Variants in NRG3 observed in about 807,000 individuals in gnomAD.
The protein encoded by NRG3 is neuregulin 3, also known as pro-neuregulin-3, membrane-bound isoform.
A neutral mutation model predicts 66.9 loss-of-function variants in NRG3; 31 were observed. The ratio of observed to expected loss-of-function variants is 0.46; its 90% CI spans 0.35 to 0.63. The LOEUF (loss-of-function observed/expected upper bound fraction) is 0.63. NRG3 is among the 20% of genes least tolerant of loss of function. The pLI, the probability that NRG3 is intolerant of heterozygous loss-of-function variation, is 0.00. For missense variants in NRG3, 910 were observed against 878.9 expected (o/e 1.04, Z -0.45); for synonymous variants, 393 against 359.4 (o/e 1.09, Z -1.06).
At chr10:82,622,627 G>A (rs2049118325) in intron 2 of NRG3, among the ~76,000 whole-genome samples, 1 of 152,190 alleles carries the variant, frequency 6.6e-6, no homozygotes, top group Non-Finnish European at 1.5e-5. Context: ...CAGGCTGTCA[G>A]TAAGCAGCAG....
intron 3 of NRG3, among the ~76,000 whole-genome samples, chr10:82,791,502 C>T (rs36072023): frequency 0.17 from 25,760 of 152,036 alleles, 2,231 homozygotes; most frequent in South Asian, 0.26. Flanking sequence ...CTGGGGCAAG[C>T]CTTCAGTGCT....
chr10:81,927,262 C>A (rs1589484353), intron 1 of NRG3, among the ~76,000 whole-genome samples: 1 of 151,930 alleles, frequency 6.6e-6, no homozygotes, highest in African/African-American at 2.4e-5. Context: ...CTCTTTTTTT[C>A]TTGCCTTCAT....
Position 82,935,776 on chromosome 10 carries a change from A to G in NRG3, c.1055-15693A>G, listed in dbSNP as rs111632473. Among the ~76,000 whole-genome samples the G allele has an allele frequency of 9.0e-3, 1,365 of 152,150 alleles. 16 individuals carry two copies. The highest frequency in any genetic ancestry group is 0.014 in the Non-Finnish European group (933 of 67,998). The stretch of plus-strand genomic sequence containing the variant: ...GTAGCTGGGACTACAGGTGCGTGCC[A>G]CCACGCCTGGATAATTTTTTTTTAT... On this transcript the variant is annotated intron_variant, in intron 4 of 8. Transcript: ENST00000372141.
chr10:81,985,515 A>G (rs2060486834), intron 1 of NRG3, among the ~76,000 whole-genome samples: 1 of 152,228 alleles, frequency 6.6e-6, no homozygotes, highest in African/African-American at 2.4e-5. Context: ...AACACATCCC[A>G]GCAATTCTTA....
intron 2 of NRG3, among the ~76,000 whole-genome samples, chr10:82,685,137 GC>G (rs147807070): frequency 2.6e-5 from 4 of 151,350 alleles, no homozygotes; most frequent in Admixed American, 6.6e-5. Context: ...ATAGACAGAG[GC>G]CCCCCCCAAA....
At chr10:82,429,485 AGT>A (rs2089658477) in intron 2 of NRG3, among the ~76,000 whole-genome samples, 1 of 152,022 alleles carries the variant, frequency 6.6e-6, no homozygotes, top group Non-Finnish European at 1.5e-5. Flanking sequence ...TCTAATGAAT[AGT>A]TAGCTGTTCA....
At chr10:82,142,960 A>C (rs1014320997) in intron 1 of NRG3, among the ~76,000 whole-genome samples, 2 of 144,814 alleles carry the variant, frequency 1.4e-5, no homozygotes, top group African/African-American at 5.1e-5. Context: ...GTAGAGACAG[A>C]GTCTCACTAT....
chr10:82,348,524 G>A (rs1009690592), intron 1 of NRG3, among the ~76,000 whole-genome samples: 4 of 149,040 alleles, frequency 2.7e-5, no homozygotes, highest in Non-Finnish European at 4.4e-5. Context: ...TTCAACTTTG[G>A]TGAATCTGAC....
chr10:82,942,556 A>G (rs1848667999), intron 4 of NRG3, among the ~76,000 whole-genome samples: 1 of 152,150 alleles, frequency 6.6e-6, no homozygotes, highest in Admixed American at 6.5e-5. Context: ...GAGGGAGAGT[A>G]TGAAACTAGA....
At chr10:82,933,305 TTTCTTACATTGCCCTAAGTCA>T (rs1284756589) in intron 4 of NRG3, among the ~76,000 whole-genome samples, 1 of 152,124 alleles carries the variant, frequency 6.6e-6, no homozygotes, top group Non-Finnish European at 1.5e-5. Context: ...ATAAGCTGGG[TTTCTTACATTGCCCTAAGTCA>T]TTGTCACAAG....
intron 2 of NRG3, among the ~76,000 whole-genome samples, chr10:82,400,209 A>T (rs2086988030): frequency 6.6e-6 from 1 of 152,196 alleles, no homozygotes; most frequent in Non-Finnish European, 1.5e-5. Flanking sequence ...CAGTAATGTT[A>T]GTAATAAAAT....
chr10:82,305,906 A>G (rs546263802), intron 1 of NRG3, among the ~76,000 whole-genome samples: 1 of 152,252 alleles, frequency 6.6e-6, no homozygotes, highest in African/African-American at 2.4e-5. Context: ...GACTGGGGAT[A>G]TTGTTTTCTT....
At chr10:82,695,530 T>C (rs1439841829) in intron 2 of NRG3, among the ~76,000 whole-genome samples, 1 of 152,098 alleles carries the variant, frequency 6.6e-6, no homozygotes, top group African/African-American at 2.4e-5. Context: ...AAATATATTT[T>C]TAAAATCCTA....
At chr10:82,091,943 T>G (rs901698002) in intron 1 of NRG3, among the ~76,000 whole-genome samples, 1 of 152,228 alleles carries the variant, frequency 6.6e-6, no homozygotes, top group Non-Finnish European at 1.5e-5. Context: ...TCAATATATC[T>G]TACTTGGAGA....
At chr10:82,790,034 G>A (rs935983764) in intron 3 of NRG3, among the ~76,000 whole-genome samples, 2 of 151,996 alleles carry the variant, frequency 1.3e-5, no homozygotes, top group Non-Finnish European at 2.9e-5. Flanking sequence ...GTTATCATTA[G>A]CATATGCATA....
chr10:82,961,476 A>ACCCTAACCCTAACCCTAACCCT (rs1850633695), intron 6 of NRG3, among the ~76,000 whole-genome samples: 2 of 152,236 alleles, frequency 1.3e-5, no homozygotes, highest in Admixed American at 1.3e-4. Flanking sequence ...GGAGCTTGAG[A>ACCCTAACCCTAACCCTAACCCT]AAGGTATGTC....
intron 1 of NRG3, among the ~76,000 whole-genome samples, chr10:81,882,665 G>A (rs191852230): frequency 1.0e-3 from 156 of 152,288 alleles, no homozygotes; most frequent in Non-Finnish European, 1.3e-3. Flanking sequence ...GAAGTAGATA[G>A]ACTGGTTATT....
rs942085121 is a variant in NRG3, at chr10:82,782,767, T to A, written c.1027+44117T>A. Among the ~76,000 whole-genome samples, 3 of 152,172 alleles carry A rather than the reference T, an allele frequency of 2.0e-5. 1 individual carries two copies. The highest frequency in any genetic ancestry group is 6.5e-5 in the Admixed American group (1 of 15,270). On this transcript the variant is annotated intron_variant, in intron 3 of 8. Coordinates refer to ENST00000372141, the MANE Select transcript of NRG3 (RefSeq NM_001010848.4). ...GGACCAGATGGATTCACAGCTGAAT[T>A]CTACCAGAGGTACAAGGAGGAACTG...
At chr10:81,970,945 G>T (rs1245221235) in intron 1 of NRG3, among the ~76,000 whole-genome samples, 1 of 152,162 alleles carries the variant, frequency 6.6e-6, no homozygotes, top group Non-Finnish European at 1.5e-5. Flanking sequence ...TTCGAGTCCA[G>T]CCTGGCCAAC....
Sources: allele counts gnomAD v4.1 joint callset (sites outside exome capture counted in the v4.1 genomes callset), GRCh38; gene constraint gnomAD v4.1.1; transcripts MANE v1.5; gene names NCBI Gene and HGNC (gene_info 2026-07-23, HGNC 2026-07-21).